The following RAB3GAP2 variants were observed in gnomAD, a reference collection of about 807,000 sequenced individuals.
The protein encoded by RAB3GAP2 is RAB3 GTPase activating non-catalytic protein subunit 2.
In RAB3GAP2, 87 loss-of-function variants were observed where a neutral mutation model predicts 185.3. The observed-to-expected ratio is 0.47, with a 90% CI of 0.39 to 0.56. RAB3GAP2 has a LOEUF of 0.56. Among genes scored for constraint, RAB3GAP2 ranks in the 20% least tolerant of loss-of-function variants. The pLI, the probability that RAB3GAP2 is intolerant of heterozygous loss-of-function variation, is 0.00. For synonymous variants in RAB3GAP2, 554 were observed against 576.1 expected, an observed-to-expected ratio of 0.96 and a Z score of 0.55; for missense variants, 1,492 against 1,638.2, an observed-to-expected ratio of 0.91 and a Z score of 1.54.
At position 220,171,982 on chromosome 1, in the gene RAB3GAP2, A is replaced by G. The variant is rs986663421; in HGVS notation, c.2484T>C (p.Cys828=). 4.3e-6 allele frequency: 7 copies of G among 1,614,064 alleles called. No homozygotes were observed. The highest frequency in any genetic ancestry group is 5.1e-6 in the Non-Finnish European group (6 of 1,180,016). ...SPWWQQMRTA[C]IQSENNGAAL... ...CGGCTCCATTGTTCTCAGACTGAAT[A>G]CAGGCTGTGCGCATCTGCTGCCACC... Residue 828 remains cysteine, a synonymous_variant, in exon 23 of 35, where the codon TGT becomes TGC. Coordinates refer to ENST00000358951, the MANE Select transcript of RAB3GAP2 (RefSeq NM_012414.4).
At position 220,158,680 on chromosome 1, in the gene RAB3GAP2, A is replaced by G. The variant is rs781007876; in HGVS notation, c.3261+706T>C. ...GGTCTCAAACTCCTGACCTCAGGTG[A>G]TCCACCAGCCTCGCCTTTCCAAAGT... is the stretch of plus-strand genomic sequence containing the variant. On this transcript the variant is annotated intron_variant, in intron 29 of 34. Transcript: ENST00000358951. The surrounding 1 kb of genome is among the most constrained non-coding windows in gnomAD (Gnocchi z 4.3). 2.6e-5 allele frequency among the ~76,000 whole-genome samples: 4 copies of G among 152,068 alleles called. No individual in the cohort carries two copies. Among genetic ancestry groups the G allele is most frequent in the Non-Finnish European group, 2.9e-5 (2 of 68,010 alleles).
chr1:220,239,749 T>C (rs1249753141), intron 1 of RAB3GAP2, among the ~76,000 whole-genome samples: 3 of 152,128 alleles, frequency 2.0e-5, no homozygotes, highest in South Asian at 2.1e-4. Flanking sequence ...TCAGAGTAGA[T>C]GGCTTGATAT....
intron 1 of RAB3GAP2, among the ~76,000 whole-genome samples, chr1:220,263,598 A>G (rs764909232): frequency 6.6e-6 from 1 of 152,006 alleles, no homozygotes; most frequent in Non-Finnish European, 1.5e-5. Flanking sequence ...CATCTTGACC[A>G]TGTATGTGAG....
chr1:220,165,701 T>A (rs531974691), intron 26 of RAB3GAP2, among the ~76,000 whole-genome samples: 21 of 152,386 alleles, frequency 1.4e-4, no homozygotes, highest in Non-Finnish European at 2.2e-4. Flanking sequence ...ACATTAATGA[T>A]ACTGATAACA....
chr1:220,157,357 C>T lies in RAB3GAP2; in HGVS notation c.3468G>A (p.Glu1156=). 1 of 1,613,896 alleles carries T rather than the reference C, an allele frequency of 6.2e-7. No homozygotes were observed. Among genetic ancestry groups the T allele is most frequent in the Non-Finnish European group, 8.5e-7 (1 of 1,179,942 alleles). The change falls in exon 31 of 35, where the codon GAG becomes GAA. Residue 1156 remains glutamate (E), a synonymous_variant. Transcript: ENST00000358951. ...EQKHIHYPLV[E]HHSILCSILY... ...AGATGGAGCACAGGATGGAGTGGTG[C>T]TCCACCAGTGGGTAGTGGATGTGCT...
intron 19 of RAB3GAP2, among the ~76,000 whole-genome samples, chr1:220,183,529 A>C (rs1392725965): frequency 6.6e-6 from 1 of 152,142 alleles, no homozygotes; most frequent in African/African-American, 2.4e-5. Context: ...TTAAGGTTAC[A>C]GGTGCAAGCC....
intron 1 of RAB3GAP2, chr1:220,267,326 C>T (rs1660246049): frequency 1.9e-6 from 2 of 1,036,858 alleles, no homozygotes; most frequent in Admixed American, 1.7e-5. Context: ...TGGAAATAAC[C>T]ATACAGTCTG....
At chr1:220,242,199 A>G (rs1659708779) in intron 1 of RAB3GAP2, among the ~76,000 whole-genome samples, 1 of 152,222 alleles carries the variant, frequency 6.6e-6, no homozygotes, top group South Asian at 2.1e-4. Flanking sequence ...GTTCCATAGT[A>G]AAGAAAAAAT....
chr1:220,236,928 C>G (rs374090683), intron 1 of RAB3GAP2, among the ~76,000 whole-genome samples: 2 of 152,040 alleles, frequency 1.3e-5, no homozygotes, highest in Non-Finnish European at 2.9e-5. Context: ...TACTATAAGG[C>G]CTTGAGGTTC....
chr1:220,238,445 G>A (rs1345287602), intron 1 of RAB3GAP2, among the ~76,000 whole-genome samples: 2 of 152,190 alleles, frequency 1.3e-5, no homozygotes, highest in African/African-American at 2.4e-5. Context: ...CTTCTAAAGA[G>A]TTATATGATC....
chr1:220,204,981 CATT>C (rs1280957881), intron 8 of RAB3GAP2, among the ~76,000 whole-genome samples: 3 of 151,884 alleles, frequency 2.0e-5, no homozygotes, highest in African/African-American at 7.3e-5. Context: ...TCCAGTCTAT[CATT>C]GTTGTCTATT....
At chr1:220,198,892 T>C (rs528340722) in intron 9 of RAB3GAP2, among the ~76,000 whole-genome samples, 70 of 152,298 alleles carry the variant, frequency 4.6e-4, no homozygotes, top group Middle Eastern at 3.4e-3. Context: ...TGAAGGCCTC[T>C]TTGACAATGT....
At chr1:220,189,924 T>C in intron 16 of RAB3GAP2, 140 bp downstream of exon 16, 1 of 1,052,450 alleles carries the variant, frequency 9.5e-7, no homozygotes, top group South Asian at 1.4e-5. Context: ...TAACACCCTC[T>C]AGATGGCACA....
chr1:220,186,526 A>C (rs1658511118), intron 17 of RAB3GAP2, among the ~76,000 whole-genome samples: 1 of 152,182 alleles, frequency 6.6e-6, no homozygotes, highest in Non-Finnish European at 1.5e-5. Flanking sequence ...GAAACAATAA[A>C]GAAAGTGACT....
intron 2 of RAB3GAP2, among the ~76,000 whole-genome samples, chr1:220,231,795 C>T (rs1659505522): frequency 6.6e-6 from 1 of 152,152 alleles, no homozygotes; most frequent in Non-Finnish European, 1.5e-5. Context: ...TCTTTTTCTC[C>T]CTCTACCCAT....
chr1:220,159,654 A>G (rs1484576812), intron 28 of RAB3GAP2, among the ~76,000 whole-genome samples: 1 of 152,174 alleles, frequency 6.6e-6, no homozygotes, highest in Non-Finnish European at 1.5e-5. Context: ...TATAAATTAC[A>G]TATTTCTGAA....
intron 1 of RAB3GAP2, among the ~76,000 whole-genome samples, chr1:220,243,536 A>G (rs1218091221): frequency 6.6e-6 from 1 of 152,190 alleles, no homozygotes; most frequent in Admixed American, 6.5e-5. Flanking sequence ...TAAGTGGCAG[A>G]ACTGGGATTC....
chr1:220,269,858 G>A (rs142066879), intron 1 of RAB3GAP2, among the ~76,000 whole-genome samples: 22 of 152,298 alleles, frequency 1.4e-4, no homozygotes, highest in African/African-American at 5.3e-4. Context: ...CATAGCCCAG[G>A]TTGAGAAAAG....
chr1:220,248,033 G>A (rs2102519275), intron 1 of RAB3GAP2, among the ~76,000 whole-genome samples: 1 of 151,794 alleles, frequency 6.6e-6, no homozygotes, highest in Admixed American at 6.6e-5. Context: ...ATGAGATCCA[G>A]GTCACAACCA....
Sources: allele counts gnomAD v4.1 joint callset (sites outside exome capture counted in the v4.1 genomes callset), GRCh38; gene constraint gnomAD v4.1.1; non-coding constraint Gnocchi (gnomAD v3.1); transcripts MANE v1.5; gene names NCBI Gene and HGNC (gene_info 2026-07-23, HGNC 2026-07-21).